TERB1: variants seen among roughly 807,000 people sequenced by gnomAD.
The protein encoded by TERB1 is telomere repeat binding bouquet formation protein 1.
TERB1 carries 63 observed loss-of-function variants against 92.3 expected under a neutral mutation model. That is an observed-to-expected ratio of 0.68 (90% CI 0.56 to 0.84). The LOEUF is 0.84. Among genes scored for constraint, TERB1 ranks in the 40% least tolerant of loss-of-function variants. The pLI is 0.00. For synonymous variants in TERB1, 252 were observed against 283.9 expected (o/e 0.89, Z 1.13); for missense variants, 709 against 843.7 (o/e 0.84, Z 1.98).
At chr16:66,765,754 G>A (rs559227623) in intron 16 of TERB1, among the ~76,000 whole-genome samples, 37 of 150,578 alleles carry the variant, frequency 2.5e-4, no homozygotes, top group African/African-American at 8.0e-4. Context: ...CACCACACCC[G>A]GCCTAATACA....
intron 16 of TERB1, among the ~76,000 whole-genome samples, chr16:66,760,328 G>A (rs577819270): frequency 1.4e-5 from 2 of 141,320 alleles, no homozygotes; most frequent in South Asian, 4.9e-4. Context: ...GCATGGTGGC[G>A]GGTGCCTGTA....
chr16:66,790,736 C>T lies in TERB1; in HGVS notation c.143-13G>A. 1.3e-6 allele frequency: 2 copies of T among 1,541,426 alleles called. No homozygotes were observed. Among genetic ancestry groups the T allele is most frequent in the Non-Finnish European group, 1.7e-6 (2 of 1,143,822 alleles). ...ACACTTGCATTACCTGTAGGATGTG[C>T]AGAAAAAAAACAAAATAGAAATGAT... is the stretch of plus-strand genomic sequence containing the variant. On this transcript the variant is annotated splice_polypyrimidine_tract_variant and intron_variant, in intron 4 of 18. Coordinates refer to ENST00000433154, the MANE Select transcript of TERB1 (RefSeq NM_001136505.2).
chr16:66,778,265 A>T (rs2145166865), intron 10 of TERB1, among the ~76,000 whole-genome samples: 1 of 152,158 alleles, frequency 6.6e-6, no homozygotes, highest in East Asian at 1.9e-4. Flanking sequence ...TGAAAATTTT[A>T]AATTTTTTTT....
chr16:66,774,067 C>T (rs2018498976), intron 12 of TERB1, among the ~76,000 whole-genome samples: 1 of 148,428 alleles, frequency 6.7e-6, no homozygotes, highest in Non-Finnish European at 1.5e-5. Flanking sequence ...ATTTTTAGTA[C>T]AGACAGGGTT....
intron 12 of TERB1, 40 bp from the exon 13 acceptor site, chr16:66,772,789 T>C: frequency 6.9e-7 from 1 of 1,453,724 alleles, no homozygotes. Context: ...AAAAGTTATT[T>C]AAACACTTTA....
rs1326687545 is a variant in TERB1 at position 66,771,813 on chromosome 16, TA to T, written c.1272+775del. The stretch of plus-strand genomic sequence containing the variant: ...CAATAGTGAATACTACTCAGACAAT[TA>T]AAATAATAAAATCACTATATTATAC... On this transcript the variant is annotated intron_variant, in intron 13 of 18. Transcript: ENST00000433154. Among the ~76,000 whole-genome samples the T allele has an allele frequency of 2.6e-5, 4 of 152,194 alleles. No homozygotes were observed. In the East Asian group the frequency reaches 7.7e-4, roughly 29 times the overall value.
intron 18 of TERB1, 145 bp downstream of exon 18, chr16:66,758,628 C>G: frequency 1.8e-6 from 1 of 543,650 alleles, no homozygotes; most frequent in Non-Finnish European, 3.2e-6. Context: ...GTAATCCCAG[C>G]TACTTAGGAG....
intron 3 of TERB1, among the ~76,000 whole-genome samples, chr16:66,793,091 T>A (rs1241909271): frequency 6.6e-6 from 1 of 151,510 alleles, no homozygotes; most frequent in East Asian, 1.9e-4. Context: ...CAAAAAAAAT[T>A]TAGAGTTCTG....
rs1471052045 is a variant in TERB1, at chr16:66,770,116, T to C, written c.1466A>G (p.Asp489Gly). ...GCTCTTTAACGGTGTCTTCATTTGG[T>C]CATCATTTGTACATGCTTTAGACAT... ...GVMSKACTNDDQMKTPLKSAN... is the reference protein window; with the variant it reads ...GVMSKACTNDGQMKTPLKSAN... Residue 489 changes from aspartate to glycine, a missense_variant, in exon 14 of 19, where the codon GAC (aspartate) becomes GGC (glycine). Physicochemically the swap from Asp to Gly is moderately conservative, Grantham distance 94. Coordinates refer to ENST00000433154, the MANE Select transcript of TERB1 (RefSeq NM_001136505.2). 6.4e-7 allele frequency: 1 copy of C among 1,552,240 alleles called. No homozygotes were observed. Among genetic ancestry groups the C allele is most frequent in the Non-Finnish European group, 8.7e-7 (1 of 1,147,114 alleles).
chr16:66,764,671 A>G (rs988712452), intron 16 of TERB1, among the ~76,000 whole-genome samples: 19 of 152,246 alleles, frequency 1.2e-4, no homozygotes, highest in African/African-American at 4.3e-4. Flanking sequence ...ATGTGGCAAA[A>G]AAGAACAAAA....
chr16:66,799,879 G>A (rs987812329), intron 2 of TERB1, among the ~76,000 whole-genome samples: 3 of 152,096 alleles, frequency 2.0e-5, no homozygotes, highest in Non-Finnish European at 4.4e-5. Flanking sequence ...CACAAACAAG[G>A]AGATTTCAAA....
chr16:66,775,876 A>AT (rs2018539960), intron 11 of TERB1, among the ~76,000 whole-genome samples: 2 of 151,108 alleles, frequency 1.3e-5, no homozygotes, highest in Non-Finnish European at 2.9e-5. Context: ...ATGCCCAGCT[A>AT]TTTTTTTGTA....
At chr16:66,792,414 G>A (rs1056889077) in intron 3 of TERB1, among the ~76,000 whole-genome samples, 6 of 152,126 alleles carry the variant, frequency 3.9e-5, no homozygotes, top group African/African-American at 7.2e-5. Flanking sequence ...ACATTGTCCC[G>A]AAGAGTCTAG....
intron 5 of TERB1, among the ~76,000 whole-genome samples, chr16:66,789,756 G>A (rs183989295): frequency 6.8e-6 from 1 of 147,760 alleles, no homozygotes; most frequent in East Asian, 2.0e-4. Flanking sequence ...TGTCACCCAG[G>A]TTAGAGTGCA....
chr16:66,774,287 G>A (rs1193258358), intron 12 of TERB1, among the ~76,000 whole-genome samples: 2 of 147,484 alleles, frequency 1.4e-5, no homozygotes, highest in Admixed American at 6.9e-5. Flanking sequence ...CCGGGTTCAC[G>A]CCATTCTCCT....
chr16:66,775,172 T>C lies in TERB1; in HGVS notation c.1057A>G (p.Asn353Asp), dbSNP rs1196761888. ...LMIQALTESQ[N>D]EELNKAATFV... ...GTGGCAGCTTTGTTCAGTTCCTCAT[T>C]CTGCGATTCAGTTAAGGCTTGAATC... The change falls in exon 12 of 19, where the codon AAT (asparagine) becomes GAT (aspartate). Residue 353 changes from asparagine to aspartate, a missense_variant. Coordinates refer to ENST00000433154, the MANE Select transcript of TERB1 (RefSeq NM_001136505.2). 4 of 1,551,654 alleles carry C rather than the reference T, an allele frequency of 2.6e-6. No individual in the cohort carries two copies. In the South Asian group the frequency reaches 3.6e-5, roughly 14 times the overall value.
chr16:66,770,448 T>C, intron 13 of TERB1, 139 bp from the exon 14 acceptor site: 1 of 624,224 alleles, frequency 1.6e-6, no homozygotes, highest in Non-Finnish European at 2.7e-6. Context: ...GCAGTTTACA[T>C]TAGGAAGAAA....
chr16:66,772,540 T>G, intron 13 of TERB1, 49 bp downstream of exon 13: 6 of 1,474,890 alleles, frequency 4.1e-6, no homozygotes, highest in Non-Finnish European at 5.4e-6. Flanking sequence ...AGAAAGAAAT[T>G]TTAAAAATTT....
intron 18 of TERB1, among the ~76,000 whole-genome samples, chr16:66,755,590 C>T (rs913310154): frequency 1.3e-4 from 20 of 151,964 alleles, no homozygotes; most frequent in African/African-American, 4.1e-4. Flanking sequence ...GCCTGGTCAA[C>T]GTGGCAATAA....
Sources: gnomAD v4.1 joint callset for allele counts (sites outside exome capture counted in the v4.1 genomes callset) on GRCh38, gnomAD v4.1.1 for gene constraint, MANE v1.5 for transcripts, NCBI Gene and HGNC (gene_info 2026-07-23, HGNC 2026-07-21) for gene names.